Variants in TM9SF2 observed in about 807,000 individuals in gnomAD.
TM9SF2 encodes the protein transmembrane 9 superfamily member 2.
TM9SF2 carries 13 observed loss-of-function variants against 84.9 expected under a neutral mutation model. The observed-to-expected ratio is 0.15, with a 90% CI of 0.10 to 0.24. The LOEUF is 0.24. Ranked by LOEUF, TM9SF2 falls within the 10% of genes least tolerant of loss-of-function variation. The pLI, the probability that TM9SF2 is intolerant of heterozygous loss-of-function variation, is 1.00. For synonymous variants in TM9SF2, 273 were observed against 285.8 expected (o/e 0.96, Z 0.45); for missense variants, 562 against 818.5 (o/e 0.69, Z 3.82).
rs1042029437 is a variant in TM9SF2, at chr13:99,529,625, T to G, written c.461+31T>G. 3 of 1,492,508 alleles carry G rather than the reference T, an allele frequency of 2.0e-6. No homozygotes were observed. In the Admixed American group the frequency reaches 7.5e-5, roughly 37 times the overall value. The allele number at this position is 1,492,508 out of a possible 1,614,324, so 92.5% of individuals were successfully genotyped here. A position where few individuals can be genotyped will look rare whatever the true frequency, so the allele number is the denominator to read the frequency against. On this transcript the variant is annotated intron_variant, in intron 4 of 16. Transcript: ENST00000376387. ...GCATGAATATTTTCGATTTTGGGGT[T>G]TATCCTTTCCATATGAAATCTTTGT...
At chr13:99,555,061 G>A (rs780682834) in intron 14 of TM9SF2, among the ~76,000 whole-genome samples, 6 of 152,192 alleles carry the variant, frequency 3.9e-5, no homozygotes, top group South Asian at 2.1e-4. Flanking sequence ...TCACATTGAC[G>A]TATGTTACAG....
chr13:99,561,094 A>C (rs2139116333), intron 16 of TM9SF2, among the ~76,000 whole-genome samples: 1 of 152,304 alleles, frequency 6.6e-6, no homozygotes, highest in Admixed American at 6.5e-5. Context: ...CTTATAGTGT[A>C]TTTCACTTTC....
chr13:99,538,076 C>G (rs2046241970), intron 6 of TM9SF2, among the ~76,000 whole-genome samples: 1 of 151,994 alleles, frequency 6.6e-6, no homozygotes, highest in Non-Finnish European at 1.5e-5. Context: ...AGCCAAGGTG[C>G]CTTAGTGTTT....
chr13:99,541,713 A>G (rs2046260382), intron 9 of TM9SF2, 46 bp downstream of exon 9: 1 of 1,301,578 alleles, frequency 7.7e-7, no homozygotes, highest in Non-Finnish European at 1.1e-6. Context: ...GACACTGTTT[A>G]TTGTTATTTT....
At chr13:99,536,827 T>C (rs971388086) in intron 5 of TM9SF2, 90 bp downstream of exon 5, 1 of 1,427,294 alleles carries the variant, frequency 7.0e-7, no homozygotes, top group African/African-American at 1.4e-5. Context: ...TTATATTCAT[T>C]GAATGAGTGT....
intron 2 of TM9SF2, among the ~76,000 whole-genome samples, chr13:99,518,786 T>A (rs1358010563): frequency 1.0e-3 from 108 of 107,756 alleles, no homozygotes; most frequent in African/African-American, 2.6e-3. Context: ...TTTTTTTTTT[T>A]AATTTTTTGT....
chr13:99,506,888 G>A (rs1233845827), intron 1 of TM9SF2, among the ~76,000 whole-genome samples: 1 of 152,138 alleles, frequency 6.6e-6, no homozygotes, highest in Non-Finnish European at 1.5e-5. Context: ...CTCTCAGTAA[G>A]TTTTGTAGTT....
intron 1 of TM9SF2, among the ~76,000 whole-genome samples, chr13:99,503,905 G>A (rs995077818): frequency 1.3e-5 from 2 of 152,000 alleles, no homozygotes; most frequent in African/African-American, 4.8e-5. Context: ...ATTTTCATAG[G>A]TATAGGGATA....
At chr13:99,513,451 T>A (rs1340852100) in intron 1 of TM9SF2, among the ~76,000 whole-genome samples, 1 of 152,190 alleles carries the variant, frequency 6.6e-6, no homozygotes, top group East Asian at 1.9e-4. Flanking sequence ...GAGGACATCA[T>A]AAGCTAAGCA....
At position 99,501,516 on chromosome 13, in the gene TM9SF2, C is replaced by A; in HGVS notation, c.-91C>A. 6.7e-7 allele frequency: 1 copy of A among 1,486,876 alleles called. No homozygotes were observed. 92.1% of individuals were successfully genotyped at this position (1,486,876 alleles called of 1,614,324 possible). ...TTCTGGGGGCCGGCTTCCTTTATCT[C>A]TGGCGGCCTTGTAGTCGTCTCCGAG... is the stretch of plus-strand genomic sequence containing the variant. On this transcript the variant is annotated 5_prime_UTR_variant, in exon 1 of 17. The change creates a new upstream start codon in the 5' untranslated region. Coordinates refer to ENST00000376387, the MANE Select transcript of TM9SF2 (RefSeq NM_004800.3).
rs1405584161 is a variant in TM9SF2, at chr13:99,501,634, C to T, written c.28C>T (p.Pro10Ser). MSARLPVLS[P>S]PRWPRLLLLS... is the part of the protein sequence containing the mutation. ...GAGCGCGAGGCTGCCGGTGTTGTCT[C>T]CACCTCGGTGGCCGCGGCTGTTGCT... Residue 10 changes from proline (P) to serine (S), a missense_variant, in exon 1 of 17, where the codon CCA becomes TCA. Transcript: ENST00000376387. The T allele has an allele frequency of 6.2e-7, 1 of 1,613,110 alleles. No individual in the cohort carries two copies. Among genetic ancestry groups the T allele is most frequent in the Non-Finnish European group, 8.5e-7 (1 of 1,179,630 alleles).
intron 1 of TM9SF2, among the ~76,000 whole-genome samples, chr13:99,512,794 C>G (rs1199365157): frequency 2.0e-5 from 3 of 152,130 alleles, no homozygotes; most frequent in African/African-American, 4.8e-5. Context: ...CTTGGGTTGG[C>G]TTAAGGGCTG....
intron 5 of TM9SF2, 142 bp downstream of exon 5, chr13:99,536,879 C>A: frequency 1.2e-6 from 1 of 863,616 alleles, no homozygotes; most frequent in Non-Finnish European, 1.7e-6. Context: ...CAATCTTAAA[C>A]TTACAGCAGA....
rs1160620906 is a variant in TM9SF2, at chr13:99,529,357, AAT to A, written c.334-109_334-108del. On this transcript the variant is annotated intron_variant, in intron 3 of 16. Coordinates refer to ENST00000376387, the MANE Select transcript of TM9SF2 (RefSeq NM_004800.3). ...TAAAAATTTATTTATTACCAATATTAATGCACTTAAGTAATTTAATGGGACCA... is the reference window on the plus strand; with the variant it reads ...TAAAAATTTATTTATTACCAATATTAGCACTTAAGTAATTTAATGGGACCA... 3.0e-5 allele frequency: 28 copies of A among 918,612 alleles called. 1 individual carries two copies. Among genetic ancestry groups the A allele is most frequent in the Non-Finnish European group, 4.1e-5 (27 of 662,970 alleles). The allele number at this position is 918,612 out of a possible 1,614,324, so 56.9% of individuals were successfully genotyped here. A position where few individuals can be genotyped will look rare whatever the true frequency, so the allele number is the denominator to read the frequency against.
chr13:99,501,988 C>T (rs768915671), intron 1 of TM9SF2, among the ~76,000 whole-genome samples: 1 of 152,182 alleles, frequency 6.6e-6, no homozygotes, highest in Admixed American at 6.5e-5. Flanking sequence ...CGCAGTGGGC[C>T]TCAGACTCGC....
At chr13:99,520,943 CA>C (rs2046157376) in intron 3 of TM9SF2, among the ~76,000 whole-genome samples, 1 of 152,200 alleles carries the variant, frequency 6.6e-6, no homozygotes, top group African/African-American at 2.4e-5. Flanking sequence ...AAACTAAGCA[CA>C]ATATAAGGTA....
intron 9 of TM9SF2, among the ~76,000 whole-genome samples, chr13:99,542,918 C>T (rs1426981834): frequency 3.3e-5 from 5 of 152,230 alleles, no homozygotes; most frequent in East Asian, 1.9e-4. Flanking sequence ...GAAGTCAGAT[C>T]ATTTCACTCT....
rs573608848 is a variant in TM9SF2, at chr13:99,537,102, T to TA, written c.591+366dup. Reference sequence around the variant, plus strand: ...AATTTGTATTGCAGAAGTCAGATATTATAACCTTTTTAAGACCTATGTGTC... The same window carrying TA: ...AATTTGTATTGCAGAAGTCAGATATTAATAACCTTTTTAAGACCTATGTGTC... On this transcript the variant is annotated intron_variant, in intron 5 of 16. Coordinates refer to ENST00000376387, the MANE Select transcript of TM9SF2 (RefSeq NM_004800.3). Among the ~76,000 whole-genome samples the TA allele has an allele frequency of 1.9e-4, 28 of 150,822 alleles. No homozygotes were observed. The East Asian group carries it at 5.5e-3, about 29-fold the overall frequency.
intron 3 of TM9SF2, among the ~76,000 whole-genome samples, chr13:99,524,658 A>G (rs1189395774): frequency 6.6e-6 from 1 of 151,848 alleles, no homozygotes; most frequent in East Asian, 2.0e-4. Flanking sequence ...GATGAAGAAG[A>G]CAAGATTCGA....
Sources: gnomAD v4.1 joint callset for allele counts (sites outside exome capture counted in the v4.1 genomes callset) on GRCh38, gnomAD v4.1.1 for gene constraint, MANE v1.5 for transcripts, NCBI Gene and HGNC (gene_info 2026-07-23, HGNC 2026-07-21) for gene names.